The following NAV1 variants were observed in gnomAD, a reference collection of about 807,000 sequenced individuals.
The protein encoded by NAV1 is pore membrane and/or filament interacting like protein 3.
A neutral mutation model predicts 175.2 loss-of-function variants in NAV1; 18 were observed. The ratio of observed to expected loss-of-function variants is 0.10; its 90% CI spans 0.07 to 0.15. The LOEUF (loss-of-function observed/expected upper bound fraction) is 0.15. Among genes scored for constraint, NAV1 ranks in the 10% least tolerant of loss-of-function variants. The pLI, the probability that NAV1 is intolerant of heterozygous loss-of-function variation, is 1.00. For missense variants in NAV1, 1,731 were observed against 2,436.6 expected (o/e 0.71, Z 6.10); for synonymous variants, 897 against 978.7 (o/e 0.92, Z 1.56).
At chr1:201,664,898 C>A (rs2102363809) in intron 1 of NAV1, among the ~76,000 whole-genome samples, 1 of 152,312 alleles carries the variant, frequency 6.6e-6, no homozygotes, top group Admixed American at 6.5e-5. Context: ...GCCCCCATCT[C>A]TCCTTTCTGT....
chr1:201,786,304 C>A, intron 8 of NAV1, 125 bp from the exon 13 acceptor site: 1 of 1,005,446 alleles, frequency 9.9e-7, no homozygotes, highest in Non-Finnish European at 1.5e-6. Flanking sequence ...CTGACCACTC[C>A]CTCTTTTCCA....
At chr1:201,783,640 T>G in exon 7 of NAV1, 1 of 1,614,024 alleles carries the variant, frequency 6.2e-7, no homozygotes, top group Middle Eastern at 1.6e-4. Context: ...AGCTAATGAG[T>G]GGTTTCAGTG....
At chr1:201,555,740 G>C (rs1665990528) in intron 1 of NAV1, among the ~76,000 whole-genome samples, 1 of 152,018 alleles carries the variant, frequency 6.6e-6, no homozygotes, top group Non-Finnish European at 1.5e-5. Context: ...AGGAAACACA[G>C]CGGCCTAATG....
intron 2 of NAV1, among the ~76,000 whole-genome samples, chr1:201,610,197 A>C (rs758037144): frequency 2.6e-5 from 4 of 152,260 alleles, no homozygotes; most frequent in Admixed American, 6.5e-5. Context: ...TTTGTGGGAC[A>C]GTTTTAAACC....
rs1456864748 is a variant in NAV1 at position 201,788,846 on chromosome 1, G to C, written c.3166+208G>C. ...TGGCACATCTAGCACTGGGGCATTG[G>C]GATGGAGCATCCATCACTGGGGCTG... On this transcript the variant is annotated intron_variant, in intron 10 of 29. Transcript: ENST00000367296. This position sits in a 1 kb window ranked among gnomAD's most constrained non-coding sequence, Gnocchi z 5.7. 2.6e-5 allele frequency among the ~76,000 whole-genome samples: 4 copies of C among 152,158 alleles called. No individual in the cohort carries two copies. The highest frequency in any genetic ancestry group is 2.9e-5 in the Non-Finnish European group (2 of 68,040).
At chr1:201,680,989 T>C (rs1217229492) in intron 1 of NAV1, among the ~76,000 whole-genome samples, 1 of 152,154 alleles carries the variant, frequency 6.6e-6, no homozygotes, top group Admixed American at 6.5e-5. Context: ...TATTACATTG[T>C]CTTTCGTCCC....
chr1:201,720,560 C>T (rs921069042), intron 3 of NAV1, among the ~76,000 whole-genome samples: 3 of 152,218 alleles, frequency 2.0e-5, no homozygotes, highest in Non-Finnish European at 4.4e-5. Context: ...TGCTTGGAGA[C>T]GTCGCAGTCT....
In NAV1 at chr1:201,649,035, G is replaced by C. The variant is rs376539818; in HGVS notation, c.367G>C (p.Gly123Arg). The change falls in exon 1 of 30, where the codon GGC (glycine) becomes CGC (arginine). Residue 123 changes from glycine to arginine, a missense_variant. By Grantham distance (125) the Gly-to-Arg change is moderately radical. Around this residue, in one of 13 missense-constraint regions of NAV1, gnomAD observed 487 missense variants for 581.3 expected, o/e 0.84. Transcript: ENST00000367296. ...TATGGCCAAGGCGCCCAAAGGCTTA[G>C]GCAAGGTGGGGTCCAAGGGCCGTGA... 1.2e-5 allele frequency: 19 copies of C among 1,613,532 alleles called. No individual in the cohort carries two copies. In the Admixed American group the frequency reaches 1.7e-4, roughly 14 times the overall value.
chr1:201,660,232 T>C (rs1264435998), intron 1 of NAV1, among the ~76,000 whole-genome samples: 1 of 152,166 alleles, frequency 6.6e-6, no homozygotes, highest in Non-Finnish European at 1.5e-5. Context: ...CTGCTGCTGC[T>C]CCCACTGCCA....
intron 1 of NAV1, among the ~76,000 whole-genome samples, chr1:201,663,335 G>A (rs1558047563): frequency 1.3e-5 from 2 of 152,184 alleles, no homozygotes; most frequent in Non-Finnish European, 2.9e-5. Flanking sequence ...TTATCAAAGG[G>A]TAGCACCTTA....
intron 1 of NAV1, among the ~76,000 whole-genome samples, chr1:201,581,772 T>G (rs1329444970): frequency 3.3e-5 from 5 of 151,756 alleles, no homozygotes; most frequent in Non-Finnish European, 5.9e-5. Flanking sequence ...GAGGTTGCAG[T>G]GAGCTGAGAT....
intron 1 of NAV1, among the ~76,000 whole-genome samples, chr1:201,666,369 C>A (rs1358479714): frequency 6.6e-6 from 1 of 151,830 alleles, no homozygotes; most frequent in Non-Finnish European, 1.5e-5. Context: ...AAAAATAAAT[C>A]ATATATTATC....
At chr1:201,785,063 C>T (rs1182255532) in intron 7 of NAV1, among the ~76,000 whole-genome samples, 5 of 152,208 alleles carry the variant, frequency 3.3e-5, no homozygotes, top group Admixed American at 1.3e-4. Flanking sequence ...CTACGGCGCC[C>T]GGCCTAACCA....
chr1:201,782,320 G>T lies in NAV1; in HGVS notation c.1808G>T (p.Gly603Val). ...GGCATTGCTCGCCCCTCCACTTCGG[G>T]ATCCTTTGGCTACAAGAAGCCTCCT... Residue 603 changes from glycine to valine, a missense_variant, in exon 6 of 30, where the codon GGA (glycine) becomes GTA (valine). Physicochemically the swap from Gly to Val is moderately radical, Grantham distance 109. This residue lies in a region of NAV1 where 634 missense variants were observed against 766.8 expected (regional missense o/e 0.83). Coordinates refer to ENST00000367296, the Ensembl canonical transcript of NAV1. This position sits in a 1 kb window ranked among gnomAD's most constrained non-coding sequence, Gnocchi z 5.4. 1.2e-6 allele frequency: 2 copies of T among 1,614,118 alleles called. No homozygotes were observed. Among genetic ancestry groups the T allele is most frequent in the Non-Finnish European group, 1.7e-6 (2 of 1,180,028 alleles).
At chr1:201,729,766 T>A (rs1237811617) in intron 3 of NAV1, among the ~76,000 whole-genome samples, 4 of 150,046 alleles carry the variant, frequency 2.7e-5, no homozygotes, top group African/African-American at 9.8e-5. Context: ...ATTAGCCGGG[T>A]GTGGTGGCGG....
At chr1:201,690,148 G>GT (rs1475274892) in intron 1 of NAV1, among the ~76,000 whole-genome samples, 15 of 138,010 alleles carry the variant, frequency 1.1e-4, no homozygotes, top group African/African-American at 3.9e-4. Flanking sequence ...CCGTGGCAGA[G>GT]TATGTCTATT....
At chr1:201,821,960 C>T (rs1337833733) in exon 30 of NAV1, 1 of 152,552 alleles carries the variant, frequency 6.6e-6, no homozygotes, top group African/African-American at 2.4e-5. Flanking sequence ...GGCATACCAA[C>T]CTGGATCACT....
At position 201,811,772 on chromosome 1, in the gene NAV1, A is replaced by C. The variant is rs1280585689; in HGVS notation, c.4952+15A>C. ...TATCATAAATGGTAAGTAAGCTGGGATCAAGACAAAATTCATCGAAGTGGG... is the reference window on the plus strand; with the variant it reads ...TATCATAAATGGTAAGTAAGCTGGGCTCAAGACAAAATTCATCGAAGTGGG... On this transcript the variant is annotated intron_variant, in intron 25 of 29. Coordinates refer to ENST00000367296, the Ensembl canonical transcript of NAV1. 1.7e-5 allele frequency: 27 copies of C among 1,603,154 alleles called. No homozygotes were observed. Among genetic ancestry groups the C allele is most frequent in the Non-Finnish European group, 1.7e-6 (2 of 1,173,990 alleles).
chr1:201,825,082 CT>C (rs1325197936), exon 30 of NAV1: 1 of 152,156 alleles, frequency 6.6e-6, no homozygotes, highest in Non-Finnish European at 1.5e-5. Flanking sequence ...CCTTGTGTTT[CT>C]GTTTTTCCAT....
Sources: allele counts gnomAD v4.1 joint callset (sites outside exome capture counted in the v4.1 genomes callset), GRCh38; gene constraint gnomAD v4.1.1; regional missense constraint gnomAD v4.1.1; non-coding constraint Gnocchi (gnomAD v3.1); transcripts MANE v1.5; gene names NCBI Gene and HGNC (gene_info 2026-07-23, HGNC 2026-07-21).